The following ENG variants were observed in gnomAD, a reference collection of about 807,000 sequenced individuals.
The protein encoded by ENG is CD105 antigen.
ENG carries 17 observed loss-of-function variants against 71.0 expected under a neutral mutation model. The observed-to-expected ratio is 0.24, with a 90% CI of 0.16 to 0.36. The LOEUF is 0.36. Ranked by LOEUF, ENG falls within the 10% of genes least tolerant of loss-of-function variation. The pLI is 1.00. For synonymous variants in ENG, 360 were observed against 366.9 expected, an observed-to-expected ratio of 0.98 and a Z score of 0.21; for missense variants, 749 against 868.3, an observed-to-expected ratio of 0.86 and a Z score of 1.73.
Position 127,815,369 on chromosome 9 carries a change from C to T in ENG, c.*313G>A, listed in dbSNP as rs1380765014. 7.6e-6 allele frequency: 3 copies of T among 393,840 alleles called. No homozygotes were observed. The highest frequency in any genetic ancestry group is 4.7e-5 in the East Asian group (1 of 21,248). The allele number at this position is 393,840 out of a possible 1,614,324, so 24.4% of individuals were successfully genotyped here. On this transcript the variant is annotated 3_prime_UTR_variant, in exon 15 of 15. Coordinates refer to ENST00000373203, the MANE Select transcript of ENG (RefSeq NM_001114753.3). ...CTCCCTTCCTGCCCAGCTCAGTTCA[C>T]CAGTGCTGGATCCAGGTTCAAATGA...
chr9:127,829,942 TC>T, intron 2 of ENG, 115 bp from the exon 3 acceptor site: 1 of 1,454,794 alleles, frequency 6.9e-7, no homozygotes, highest in Non-Finnish European at 9.5e-7. Context: ...GCCTGCTCTG[TC>T]CACCCTCACC....
chr9:127,845,038 C>T (rs1831137256), intron 1 of ENG, among the ~76,000 whole-genome samples: 1 of 152,224 alleles, frequency 6.6e-6, no homozygotes, highest in African/African-American at 2.4e-5. Context: ...AATGAGGCTC[C>T]TACACCTCGT....
At chr9:127,835,503 G>T (rs1466325299) in intron 2 of ENG, among the ~76,000 whole-genome samples, 2 of 152,136 alleles carry the variant, frequency 1.3e-5, no homozygotes, top group Admixed American at 6.5e-5. Flanking sequence ...TGGATAGTCA[G>T]ATCATGGCCA....
intron 1 of ENG, among the ~76,000 whole-genome samples, chr9:127,850,610 T>C (rs1831263703): frequency 6.6e-6 from 1 of 152,224 alleles, no homozygotes; most frequent in Admixed American, 6.5e-5. Flanking sequence ...GACAGGTGTT[T>C]GTGGTCTCGC....
intron 11 of ENG, 112 bp downstream of exon 11, chr9:127,818,604 T>C (rs1341805933): frequency 7.1e-7 from 1 of 1,411,666 alleles, no homozygotes; most frequent in East Asian, 2.3e-5. Context: ...ACCCAGGCTG[T>C]CTCCCTCCTG....
chr9:127,850,441 G>C (rs1831260692), intron 1 of ENG, among the ~76,000 whole-genome samples: 1 of 152,224 alleles, frequency 6.6e-6, no homozygotes, highest in South Asian at 2.1e-4. Context: ...CCACAAGCAA[G>C]TCCCTCTGTC....
chr9:127,817,332 G>T (rs1242836911), intron 12 of ENG, 129 bp from the exon 13 acceptor site: 1 of 899,264 alleles, frequency 1.1e-6, no homozygotes. Context: ...CTTCGTAGCT[G>T]GATGCCTCTG....
rs370836025 is a variant in ENG at position 127,818,386 on chromosome 9, G to A, written c.1429-9C>T. 1.2e-6 allele frequency: 2 copies of A among 1,612,876 alleles called. No individual in the cohort carries two copies. Among genetic ancestry groups the A allele is most frequent in the Admixed American group, 1.7e-5 (1 of 59,992 alleles). ...GATGGGGACACTCTGACCTGCATGG[G>A]TAGGTAGGGCCACGCGGCATGGGCA... is the stretch of plus-strand genomic sequence containing the variant. On this transcript the variant is annotated splice_polypyrimidine_tract_variant and intron_variant, in intron 11 of 14. Coordinates refer to ENST00000373203, the MANE Select transcript of ENG (RefSeq NM_001114753.3).
At position 127,840,759 on chromosome 9, in the gene ENG, T is replaced by A. The variant is rs527463088; in HGVS notation, c.219+2335A>T. ...TCTCTACCACCTCCTCAAATGAACA[T>A]CCCTCAAAGCCCTGGAGCCTGCAGC... On this transcript the variant is annotated intron_variant, in intron 2 of 14. Coordinates refer to ENST00000373203, the MANE Select transcript of ENG (RefSeq NM_001114753.3). Among the ~76,000 whole-genome samples the A allele has an allele frequency of 3.9e-5, 6 of 152,204 alleles. No individual in the cohort carries two copies. In the East Asian group the frequency reaches 7.7e-4, roughly 20 times the overall value.
intron 12 of ENG, among the ~76,000 whole-genome samples, chr9:127,817,590 A>G (rs1298660037): frequency 6.6e-6 from 1 of 152,084 alleles, no homozygotes; most frequent in Non-Finnish European, 1.5e-5. Flanking sequence ...TCCTATGACC[A>G]GAGAAGTTTG....
rs1422811156 is a variant in ENG at position 127,846,577 on chromosome 9, T to G, written c.68-3332A>C. On this transcript the variant is annotated intron_variant, in intron 1 of 14. Coordinates refer to ENST00000373203, the MANE Select transcript of ENG (RefSeq NM_001114753.3). The surrounding 1 kb of genome is among the most constrained non-coding windows in gnomAD (Gnocchi z 5.5). ...GGAGAGGCCACAAGCCTGGCCATTA[T>G]GTAATGATCAGATAACAGGCCTGGC... is the stretch of plus-strand genomic sequence containing the variant. Among the ~76,000 whole-genome samples the G allele has an allele frequency of 6.6e-6, 1 of 152,176 alleles. No homozygotes were observed. Among genetic ancestry groups the G allele is most frequent in the Non-Finnish European group, 1.5e-5 (1 of 68,026 alleles).
At chr9:127,831,832 C>T (rs1437741068) in intron 2 of ENG, among the ~76,000 whole-genome samples, 13 of 151,604 alleles carry the variant, frequency 8.6e-5, no homozygotes, top group African/African-American at 2.9e-4. Context: ...GCTAGGACTA[C>T]AGGCGTGTGC....
rs1831182052 is a variant in ENG, at chr9:127,846,997, C to G, written c.68-3752G>C. 3.1e-6 allele frequency: 3 copies of G among 969,320 alleles called. No homozygotes were observed. Among genetic ancestry groups the G allele is most frequent in the Non-Finnish European group, 3.7e-6 (3 of 815,344 alleles). The allele number at this position is 969,320 out of a possible 1,614,324, so 60.0% of individuals were successfully genotyped here. Reference sequence around the variant, plus strand: ...GGAGCCAGATGGCCTGGATCAAATCCCAGCTCTGCCTCTTAAAATGCTGGT... The same window carrying G: ...GGAGCCAGATGGCCTGGATCAAATCGCAGCTCTGCCTCTTAAAATGCTGGT... On this transcript the variant is annotated intron_variant, in intron 1 of 14. Transcript: ENST00000373203. This position sits in a 1 kb window ranked among gnomAD's most constrained non-coding sequence, Gnocchi z 5.5.
rs1377553955 is a variant in ENG at position 127,854,367 on chromosome 9, G to A, written c.-12C>T. On this transcript the variant is annotated 5_prime_UTR_variant, in exon 1 of 15. Transcript: ENST00000373203. ...GTGCCGCGGTCCATGCTGTCCACGT[G>A]GGGGCCTGTGCGCTGGGCCTTATCC... is the stretch of plus-strand genomic sequence containing the variant. The A allele has an allele frequency of 5.7e-6, 9 of 1,580,482 alleles. No individual in the cohort carries two copies. The highest frequency in any genetic ancestry group is 7.7e-6 in the Non-Finnish European group (9 of 1,163,878).
chr9:127,816,756 GA>G (rs1830329058), intron 13 of ENG: 1 of 342,162 alleles, frequency 2.9e-6, no homozygotes. Flanking sequence ...GGAGAGGCTA[GA>G]GGGGGCGTCC....
Position 127,838,460 on chromosome 9 carries a change from G to A in ENG, c.219+4634C>T, listed in dbSNP as rs930276781. On this transcript the variant is annotated intron_variant, in intron 2 of 14. Coordinates refer to ENST00000373203, the MANE Select transcript of ENG (RefSeq NM_001114753.3). The surrounding 1 kb of genome is among the most constrained non-coding windows in gnomAD (Gnocchi z 4.3). ...CACTGCCTCCCAGGACAGTCTGGGGGAGCTAAGGTCCCTCCCGGCTCTCTC... is the reference window on the plus strand; with the variant it reads ...CACTGCCTCCCAGGACAGTCTGGGGAAGCTAAGGTCCCTCCCGGCTCTCTC... Among the ~76,000 whole-genome samples, 10 of 152,200 alleles carry A rather than the reference G, an allele frequency of 6.6e-5. No individual in the cohort carries two copies. Among genetic ancestry groups the A allele is most frequent in the African/African-American group, 2.2e-4 (9 of 41,456 alleles).
chr9:127,831,914 C>G (rs998258822), intron 2 of ENG, among the ~76,000 whole-genome samples: 11 of 150,092 alleles, frequency 7.3e-5, no homozygotes, highest in Non-Finnish European at 1.5e-4. Context: ...GCTGGCTTTT[C>G]TTTGTTTGTT....
chr9:127,844,390 G>T (rs1223173855), intron 1 of ENG, among the ~76,000 whole-genome samples: 1 of 151,940 alleles, frequency 6.6e-6, no homozygotes, highest in Non-Finnish European at 1.5e-5. Context: ...GCCTCCCAAA[G>T]TGCTAGGATT....
At chr9:127,819,322 C>T in intron 10 of ENG, 1 of 428,342 alleles carries the variant, frequency 2.3e-6, no homozygotes, top group South Asian at 2.2e-5. Context: ...ACCTCATTGG[C>T]TGCCCAGAAG....
Sources: gnomAD v4.1 joint callset for allele counts (sites outside exome capture counted in the v4.1 genomes callset) on GRCh38, gnomAD v4.1.1 for gene constraint, Gnocchi (gnomAD v3.1) non-coding constraint, MANE v1.5 for transcripts, NCBI Gene and HGNC (gene_info 2026-07-23, HGNC 2026-07-21) for gene names.